SYT1: variants seen among roughly 807,000 people sequenced by gnomAD.
SYT1 encodes synaptotagmin-1.
Under a neutral mutation model 44.8 loss-of-function variants are expected in SYT1, and 8 were observed. The observed-to-expected ratio is 0.18, with a 90% CI of 0.10 to 0.32. SYT1 has a LOEUF of 0.32. SYT1 is among the 10% of genes least tolerant of loss of function. SYT1 has a pLI of 1.00. For missense variants in SYT1, 286 were observed against 509.3 expected, an observed-to-expected ratio of 0.56 and a Z score of 4.22; for synonymous variants, 154 against 188.8, an observed-to-expected ratio of 0.82 and a Z score of 1.51.
intron 1 of SYT1, among the ~76,000 whole-genome samples, chr12:78,931,008 A>G (rs1877602062): frequency 6.6e-6 from 1 of 151,032 alleles, no homozygotes; most frequent in Non-Finnish European, 1.5e-5. Flanking sequence ...AAGAAGTTAG[A>G]TATTCAAGTC....
chr12:79,387,291 G>A (rs1461147539), intron 9 of SYT1, among the ~76,000 whole-genome samples: 3 of 152,156 alleles, frequency 2.0e-5, no homozygotes, highest in Non-Finnish European at 4.4e-5. Context: ...CCAGAAAAGA[G>A]ACTAGAAATG....
At chr12:79,412,109 A>G (rs148026626) in intron 9 of SYT1, among the ~76,000 whole-genome samples, 5 of 152,300 alleles carry the variant, frequency 3.3e-5, no homozygotes, top group Middle Eastern at 3.4e-3. Flanking sequence ...AGGTGACTTG[A>G]GAGATCAAGT....
intron 3 of SYT1, among the ~76,000 whole-genome samples, chr12:79,148,719 A>T (rs975879098): frequency 6.6e-6 from 1 of 152,148 alleles, no homozygotes; most frequent in African/African-American, 2.4e-5. Context: ...CTGAGGTGCT[A>T]TATCTGTATG....
At chr12:79,263,604 T>C (rs1170524549) in intron 4 of SYT1, among the ~76,000 whole-genome samples, 1 of 152,154 alleles carries the variant, frequency 6.6e-6, no homozygotes, top group Non-Finnish European at 1.5e-5. Flanking sequence ...TTAGTGATCC[T>C]GTAAGGTTAA....
chr12:79,053,384 C>T (rs900462913), intron 3 of SYT1, among the ~76,000 whole-genome samples: 9 of 151,876 alleles, frequency 5.9e-5, no homozygotes, highest in African/African-American at 1.9e-4. Flanking sequence ...GGAGGGATAG[C>T]GTTAGGAGAT....
At chr12:79,246,739 G>A (rs1409792517) in intron 4 of SYT1, among the ~76,000 whole-genome samples, 1 of 152,238 alleles carries the variant, frequency 6.6e-6, no homozygotes, top group Non-Finnish European at 1.5e-5. Flanking sequence ...CCACACTGGT[G>A]ATGAAGTTTC....
chr12:78,962,750 C>T (rs1043236618), intron 1 of SYT1, among the ~76,000 whole-genome samples: 2 of 152,024 alleles, frequency 1.3e-5, no homozygotes, highest in African/African-American at 4.8e-5. Context: ...TTAACTTGTA[C>T]ATCTTTGTTT....
intron 3 of SYT1, among the ~76,000 whole-genome samples, chr12:79,063,051 C>T (rs777909846): frequency 3.9e-4 from 59 of 152,136 alleles, no homozygotes; most frequent in Non-Finnish European, 1.3e-4. Context: ...GTTTGCAGAG[C>T]ACGTCACGGT....
At chr12:78,961,715 T>C (rs1383865309) in intron 1 of SYT1, among the ~76,000 whole-genome samples, 1 of 152,132 alleles carries the variant, frequency 6.6e-6, no homozygotes, top group African/African-American at 2.4e-5. Context: ...GCAGAAGGGC[T>C]CTTAGTACAG....
chr12:79,240,868 A>G (rs561851398), intron 4 of SYT1, among the ~76,000 whole-genome samples: 33 of 152,226 alleles, frequency 2.2e-4, no homozygotes, highest in African/African-American at 7.7e-4. Context: ...TGTAGAGGAG[A>G]ATATTTTATT....
At chr12:79,112,193 G>C (rs1404482225) in intron 3 of SYT1, among the ~76,000 whole-genome samples, 1 of 151,988 alleles carries the variant, frequency 6.6e-6, no homozygotes, top group Non-Finnish European at 1.5e-5. Context: ...GGACTCAAAA[G>C]AAAGAGATAC....
intron 1 of SYT1, among the ~76,000 whole-genome samples, chr12:78,890,655 G>T (rs1298755049): frequency 1.3e-5 from 2 of 151,632 alleles, no homozygotes; most frequent in Non-Finnish European, 2.9e-5. Flanking sequence ...CACAGTTTCT[G>T]TCCATTGTAA....
At chr12:78,926,425 TCTC>T (rs1428966806) in intron 1 of SYT1, among the ~76,000 whole-genome samples, 1 of 152,082 alleles carries the variant, frequency 6.6e-6, no homozygotes, top group African/African-American at 2.4e-5. Context: ...ACAGATTTCT[TCTC>T]TTGGCTAAAT....
At chr12:79,041,828 G>A (rs1275094097) in intron 2 of SYT1, among the ~76,000 whole-genome samples, 4 of 151,892 alleles carry the variant, frequency 2.6e-5, no homozygotes, top group African/African-American at 9.7e-5. Context: ...AGAGTTTTTA[G>A]CATGAAGGGT....
At chr12:78,890,738 A>G (rs931743435) in intron 1 of SYT1, among the ~76,000 whole-genome samples, 2 of 151,430 alleles carry the variant, frequency 1.3e-5, no homozygotes, top group Admixed American at 6.6e-5. Flanking sequence ...TACTTTCTTC[A>G]TCTCCTTACA....
chr12:79,339,044 G>T lies in SYT1; in HGVS notation c.811-14458G>T, dbSNP rs368195478. On this transcript the variant is annotated intron_variant, in intron 8 of 10. Transcript: ENST00000261205. ...TAGTATTCCATGGTGTATATGTGCC[G>T]CATTTTCTTAATCCAGTCTATCATT... is the stretch of plus-strand genomic sequence containing the variant. 5.9e-5 allele frequency among the ~76,000 whole-genome samples: 9 copies of T among 152,148 alleles called. 1 individual carries two copies. Among genetic ancestry groups the T allele is most frequent in the Admixed American group, 3.3e-4 (5 of 15,280 alleles).
chr12:78,941,065 C>CTTTTTTTTTTTTTTTTTTTTTTTT (rs398044555), intron 1 of SYT1, among the ~76,000 whole-genome samples: 8 of 68,464 alleles, frequency 1.2e-4, no homozygotes, highest in Non-Finnish European at 1.5e-4. Flanking sequence ...CTTTTTTTTT[C>CTTTTTTTTTTTTTTTTTTTTTTTT]TTTTTTTTTT....
At chr12:79,382,718 AT>A (rs1565934855) in intron 9 of SYT1, among the ~76,000 whole-genome samples, 1 of 152,234 alleles carries the variant, frequency 6.6e-6, no homozygotes, top group African/African-American at 2.4e-5. Context: ...ACCTATGGGA[AT>A]TTGGAAGAAA....
At chr12:78,976,429 C>A (rs1032709063) in intron 1 of SYT1, among the ~76,000 whole-genome samples, 4 of 152,152 alleles carry the variant, frequency 2.6e-5, no homozygotes, top group African/African-American at 7.2e-5. Context: ...TAAGGACTTA[C>A]GTTTTCCCAA....
Sources: allele counts gnomAD v4.1 joint callset (sites outside exome capture counted in the v4.1 genomes callset), GRCh38; gene constraint gnomAD v4.1.1; transcripts MANE v1.5; gene names NCBI Gene and HGNC (gene_info 2026-07-23, HGNC 2026-07-21).